ABRACL: variants seen among roughly 807,000 people sequenced by gnomAD.
The protein encoded by ABRACL is costars family protein ABRACL.
ABRACL carries 4 observed loss-of-function variants against 7.0 expected under a neutral mutation model. That is an observed-to-expected ratio of 0.57 (90% CI 0.28 to 1.30). The LOEUF is 1.30. Ranked by LOEUF, ABRACL falls within the 50% of genes most tolerant of loss-of-function variation. ABRACL has a pLI of 0.10. For synonymous variants in ABRACL, 30 were observed against 36.0 expected (o/e 0.83, Z 0.60); for missense variants, 104 against 97.3 (o/e 1.07, Z -0.29).
chr6:139,032,350 A>G (rs964427577), intron 1 of ABRACL, among the ~76,000 whole-genome samples: 5 of 152,256 alleles, frequency 3.3e-5, no homozygotes, highest in African/African-American at 1.2e-4. Flanking sequence ...CTTGAATTGC[A>G]TATAATGTTA....
intron 1 of ABRACL, among the ~76,000 whole-genome samples, chr6:139,032,210 C>T (rs1469093687): frequency 2.6e-5 from 4 of 152,064 alleles, no homozygotes; most frequent in African/African-American, 7.2e-5. Context: ...GTGATCCACC[C>T]GCCTCGGCCT....
intron 2 of ABRACL, among the ~76,000 whole-genome samples, chr6:139,036,716 G>A (rs1786162562): frequency 6.6e-6 from 1 of 152,154 alleles, no homozygotes; most frequent in Non-Finnish European, 1.5e-5. Flanking sequence ...AGGTGCCATG[G>A]CTCAGGCCTG....
chr6:139,034,336 G>C, intron 2 of ABRACL, 115 bp downstream of exon 2: 2 of 1,592,990 alleles, frequency 1.3e-6, no homozygotes, highest in Non-Finnish European at 1.7e-6. Context: ...CACAGGTCTG[G>C]GAGCTCTGCC....
At position 139,041,529 on chromosome 6, in the gene ABRACL, A is replaced by T. The variant is rs58677813; in HGVS notation, c.62-1190A>T. Among the ~76,000 whole-genome samples the T allele has an allele frequency of 4.2e-3, 362 of 85,602 alleles. 1 individual carries two copies. Among genetic ancestry groups the T allele is most frequent in the East Asian group, 0.011 (40 of 3,554 alleles). 56.2% of individuals were successfully genotyped at this position (85,602 alleles called of 152,430 possible). ...TGTGTGTGTGTATATATATATATAT[A>T]TATTTTTTTTTAGGAGAGACATGGT... On this transcript the variant is annotated intron_variant, in intron 2 of 2. Coordinates refer to ENST00000367660, the MANE Select transcript of ABRACL (RefSeq NM_021243.3).
chr6:139,039,651 A>G (rs1050377011), intron 2 of ABRACL, among the ~76,000 whole-genome samples: 4 of 152,186 alleles, frequency 2.6e-5, no homozygotes, highest in Admixed American at 2.0e-4. Context: ...AGAATCTGTC[A>G]TATCATCTTA....
chr6:139,032,409 A>AT (rs1325564587), intron 1 of ABRACL, among the ~76,000 whole-genome samples: 1 of 152,234 alleles, frequency 6.6e-6, no homozygotes, highest in East Asian at 1.9e-4. Context: ...AACACTATAA[A>AT]TTTTCATATT....
intron 1 of ABRACL, among the ~76,000 whole-genome samples, chr6:139,033,400 G>A (rs1219150406): frequency 6.6e-6 from 1 of 152,222 alleles, no homozygotes; most frequent in Non-Finnish European, 1.5e-5. Context: ...AGGCCATGAC[G>A]TCCCTGTACG....
intron 2 of ABRACL, among the ~76,000 whole-genome samples, chr6:139,034,753 T>TA (rs1320397684): frequency 1.3e-5 from 2 of 152,214 alleles, no homozygotes; most frequent in Admixed American, 1.3e-4. Context: ...GTAACTAAAA[T>TA]AAATCATCCT....
In ABRACL at chr6:139,042,769, A is replaced by G; in HGVS notation, c.112A>G (p.Lys38Glu). 5.0e-6 allele frequency: 8 copies of G among 1,613,802 alleles called. No individual in the cohort carries two copies. Among genetic ancestry groups the G allele is most frequent in the Non-Finnish European group, 6.8e-6 (8 of 1,179,918 alleles). ...VKFGVLFRDD[K>E]CANLFEALVG... ...ATTTGGGGTCCTCTTCCGTGATGAT[A>G]AATGTGCCAACCTCTTTGAAGCATT... Residue 38 changes from lysine to glutamate, a missense_variant, in exon 3 of 3, where the codon AAA becomes GAA. Lys to Glu is a moderately conservative substitution (Grantham distance 56, BLOSUM62 1). Coordinates refer to ENST00000367660, the MANE Select transcript of ABRACL (RefSeq NM_021243.3).
intron 2 of ABRACL, 131 bp downstream of exon 2, chr6:139,034,352 C>A: frequency 6.3e-7 from 1 of 1,576,178 alleles, no homozygotes; most frequent in Non-Finnish European, 8.6e-7. Context: ...CTGCCCACAG[C>A]CCCAGGTTAT....
intron 2 of ABRACL, among the ~76,000 whole-genome samples, chr6:139,038,263 CA>C (rs1241459808): frequency 6.6e-6 from 1 of 152,196 alleles, no homozygotes; most frequent in Non-Finnish European, 1.5e-5. Flanking sequence ...AATTCCACTT[CA>C]AAATTAGCAG....
intron 1 of ABRACL, among the ~76,000 whole-genome samples, chr6:139,029,411 G>A (rs1786044292): frequency 1.3e-5 from 2 of 151,586 alleles, no homozygotes; most frequent in African/African-American, 4.9e-5. Flanking sequence ...TTCGTCGCCC[G>A]GGTTGGGTGC....
At chr6:139,030,242 A>G (rs1233932330) in intron 1 of ABRACL, among the ~76,000 whole-genome samples, 1 of 151,974 alleles carries the variant, frequency 6.6e-6, no homozygotes, top group Non-Finnish European at 1.5e-5. Flanking sequence ...GGTAATTGGT[A>G]TATCCATCAC....
At chr6:139,030,114 C>T (rs987873274) in intron 1 of ABRACL, among the ~76,000 whole-genome samples, 4 of 151,996 alleles carry the variant, frequency 2.6e-5, no homozygotes, top group African/African-American at 7.3e-5. Context: ...CCATTAAGCT[C>T]TTCCCTTTAG....
In ABRACL at chr6:139,034,229, T is replaced by A; in HGVS notation, c.61+8T>A. On this transcript the variant is annotated splice_region_variant and intron_variant, in intron 2 of 2. Transcript: ENST00000367660. ...ATCGTTTGGGTTCAAAAAGTAAGTA[T>A]CTGACAGAGATAGAGTATTTCTCCT... 6.2e-7 allele frequency: 1 copy of A among 1,614,216 alleles called. No individual in the cohort carries two copies.
chr6:139,039,843 G>A (rs1056432899), intron 2 of ABRACL, among the ~76,000 whole-genome samples: 1 of 152,144 alleles, frequency 6.6e-6, no homozygotes, highest in Admixed American at 6.5e-5. Context: ...TTGATGAGGT[G>A]GCTCACACCT....
intron 2 of ABRACL, among the ~76,000 whole-genome samples, chr6:139,037,488 T>C (rs1786178999): frequency 6.6e-6 from 1 of 152,188 alleles, no homozygotes; most frequent in Non-Finnish European, 1.5e-5. Flanking sequence ...CTCGAACTTC[T>C]GGCCTCAAGT....
At chr6:139,030,940 C>A (rs1786073570) in intron 1 of ABRACL, among the ~76,000 whole-genome samples, 1 of 152,176 alleles carries the variant, frequency 6.6e-6, no homozygotes, top group Non-Finnish European at 1.5e-5. Flanking sequence ...GCCTTTCATG[C>A]TTAAAATTGG....
Position 139,042,903 on chromosome 6 carries a change from A to C in ABRACL, c.246A>C (p.Ter82TyrextTer21), listed in dbSNP as rs370701225. ...DDVDIILLQD[*>Y] ...TTGACATTATATTACTGCAAGATTA[A>C]TGTGGTTTACATATCTTTATGTACT... is the stretch of plus-strand genomic sequence containing the variant. Residue 82 changes from the stop codon to tyrosine, a stop_lost, in exon 3 of 3, where the codon TAA (stop) becomes TAC (tyrosine). Transcript: ENST00000367660. The C allele has an allele frequency of 6.2e-7, 1 of 1,606,066 alleles. No homozygotes were observed. The highest frequency in any genetic ancestry group is 1.1e-5 in the South Asian group (1 of 89,308).
Sources: allele counts gnomAD v4.1 joint callset (sites outside exome capture counted in the v4.1 genomes callset), GRCh38; gene constraint gnomAD v4.1.1; transcripts MANE v1.5; gene names NCBI Gene and HGNC (gene_info 2026-07-23, HGNC 2026-07-21).